CAMKMT: variants seen among roughly 807,000 people sequenced by gnomAD.
CAMKMT encodes the protein CaM KMT.
In CAMKMT, 53 loss-of-function variants were observed where a neutral mutation model predicts 48.0. That is an observed-to-expected ratio of 1.10 (90% CI 0.89 to 1.39). The LOEUF is 1.39. CAMKMT is among the 40% of genes most tolerant of loss of function. The probability of loss-of-function intolerance (pLI) is 0.00; values close to 1 mark genes in which losing one functional copy is unlikely to be tolerated. For missense variants in CAMKMT, 428 were observed against 402.7 expected (o/e 1.06, Z -0.54); for synonymous variants, 165 against 152.3 (o/e 1.08, Z -0.61).
intron 3 of CAMKMT, among the ~76,000 whole-genome samples, chr2:44,683,533 T>C (rs754043793): frequency 3.2e-4 from 49 of 151,946 alleles, no homozygotes; most frequent in Non-Finnish European, 5.3e-4. Context: ...TGAAAAACAG[T>C]AACGAGGCAG....
intron 3 of CAMKMT, among the ~76,000 whole-genome samples, chr2:44,454,577 C>G (rs964972614): frequency 1.3e-5 from 2 of 152,112 alleles, no homozygotes; most frequent in Admixed American, 1.3e-4. Flanking sequence ...TAAAAGTTAG[C>G]TTTGCTTAGT....
At chr2:44,418,801 A>T (rs1351323811) in intron 3 of CAMKMT, among the ~76,000 whole-genome samples, 1 of 152,196 alleles carries the variant, frequency 6.6e-6, no homozygotes, top group Non-Finnish European at 1.5e-5. Context: ...TTTTGATTGG[A>T]TGGCACTAAA....
At chr2:44,453,187 T>C (rs1558627104) in intron 3 of CAMKMT, among the ~76,000 whole-genome samples, 1 of 152,024 alleles carries the variant, frequency 6.6e-6, no homozygotes, top group Non-Finnish European at 1.5e-5. Context: ...TAGATGTGGC[T>C]GTAGGGAGCA....
chr2:44,694,112 G>A (rs988345016), intron 3 of CAMKMT, among the ~76,000 whole-genome samples: 5 of 152,190 alleles, frequency 3.3e-5, no homozygotes, highest in Non-Finnish European at 5.9e-5. Context: ...CCTTAGGACT[G>A]TCCTCCAGGA....
At chr2:44,615,648 A>C (rs1051402395) in intron 3 of CAMKMT, among the ~76,000 whole-genome samples, 1 of 152,152 alleles carries the variant, frequency 6.6e-6, no homozygotes, top group Non-Finnish European at 1.5e-5. Flanking sequence ...GGCATTGGGC[A>C]TGATTTGAGT....
chr2:44,636,140 T>G (rs1673118211), intron 3 of CAMKMT, among the ~76,000 whole-genome samples: 1 of 152,184 alleles, frequency 6.6e-6, no homozygotes, highest in South Asian at 2.1e-4. Flanking sequence ...TTCATCCATA[T>G]TATACCTGGA....
At chr2:44,674,886 A>G (rs1675580689) in intron 3 of CAMKMT, among the ~76,000 whole-genome samples, 1 of 148,892 alleles carries the variant, frequency 6.7e-6, no homozygotes, top group Non-Finnish European at 1.5e-5. Flanking sequence ...CCCCACAAGG[A>G]AAAAAAAAAC....
At chr2:44,398,264 C>CA (rs1682038437) in intron 3 of CAMKMT, among the ~76,000 whole-genome samples, 1 of 152,138 alleles carries the variant, frequency 6.6e-6, no homozygotes, top group South Asian at 2.1e-4. Context: ...TACATTTCTC[C>CA]AAAACGGCGA....
At chr2:44,392,398 C>G (rs1012584560) in intron 3 of CAMKMT, among the ~76,000 whole-genome samples, 36 of 152,006 alleles carry the variant, frequency 2.4e-4, no homozygotes, top group African/African-American at 8.4e-4. Flanking sequence ...AAGTCCTGTT[C>G]CAATAAAGTA....
chr2:44,673,520 A>AG (rs1553435806), intron 3 of CAMKMT, among the ~76,000 whole-genome samples: 1 of 88,068 alleles, frequency 1.1e-5, no homozygotes, highest in Non-Finnish European at 2.3e-5. Context: ...GAAGGAAGGA[A>AG]GGAGGGAAGG....
intron 3 of CAMKMT, among the ~76,000 whole-genome samples, chr2:44,518,936 A>G (rs1670965157): frequency 6.6e-6 from 1 of 152,272 alleles, no homozygotes; most frequent in South Asian, 2.1e-4. Context: ...AAGGCAGTCC[A>G]GTATATACCT....
intron 3 of CAMKMT, among the ~76,000 whole-genome samples, chr2:44,538,263 G>A (rs1457156614): frequency 3.3e-5 from 5 of 151,954 alleles, no homozygotes; most frequent in Non-Finnish European, 7.4e-5. Context: ...CAGCTACTCG[G>A]GAAGCTGAGG....
intron 3 of CAMKMT, among the ~76,000 whole-genome samples, chr2:44,685,052 T>C (rs987596414): frequency 4.6e-5 from 7 of 152,088 alleles, no homozygotes; most frequent in Non-Finnish European, 1.0e-4. Context: ...TAACTTCATG[T>C]GCATCGTGTA....
At chr2:44,734,391 T>C (rs1016276483) in intron 7 of CAMKMT, among the ~76,000 whole-genome samples, 4 of 152,104 alleles carry the variant, frequency 2.6e-5, no homozygotes, top group African/African-American at 7.2e-5. Context: ...TTTAATTCCA[T>C]TGTGGTCAGG....
chr2:44,388,902 G>A (rs1273227212), intron 2 of CAMKMT, among the ~76,000 whole-genome samples: 1 of 152,128 alleles, frequency 6.6e-6, no homozygotes, highest in Non-Finnish European at 1.5e-5. Context: ...TTCTGGTGGA[G>A]GTGGCGGGGT....
intron 3 of CAMKMT, among the ~76,000 whole-genome samples, chr2:44,411,874 C>G (rs768572130): frequency 6.6e-6 from 1 of 151,638 alleles, no homozygotes; most frequent in African/African-American, 2.4e-5. Context: ...AATCTTTAAC[C>G]TCTCTTTCAT....
rs954011427 is a variant in CAMKMT at position 44,578,206 on chromosome 2, A to C, written c.377-126077A>C. Among the ~76,000 whole-genome samples the C allele has an allele frequency of 2.6e-5, 4 of 152,206 alleles. No homozygotes were observed. The South Asian group carries it at 8.3e-4, about 32-fold the overall frequency. On this transcript the variant is annotated intron_variant, in intron 3 of 10. Coordinates refer to ENST00000378494, the MANE Select transcript of CAMKMT (RefSeq NM_024766.5). ...TAGGAATAATGGTTGAGGGTAAATT[A>C]ACATTGTTAAAAAGAATACACCGTA...
intron 7 of CAMKMT, among the ~76,000 whole-genome samples, chr2:44,726,215 A>G (rs992770268): frequency 1.3e-5 from 2 of 152,196 alleles, no homozygotes; most frequent in African/African-American, 2.4e-5. Flanking sequence ...ACAGCTTTCC[A>G]TGGTGGTTGA....
chr2:44,415,596 AT>A (rs1477658115), intron 3 of CAMKMT, among the ~76,000 whole-genome samples: 1 of 152,196 alleles, frequency 6.6e-6, no homozygotes, highest in Non-Finnish European at 1.5e-5. Flanking sequence ...TAAATTTCTA[AT>A]GTAAACAGAG....
Sources: allele counts gnomAD v4.1 joint callset (sites outside exome capture counted in the v4.1 genomes callset), GRCh38; gene constraint gnomAD v4.1.1; transcripts MANE v1.5; gene names NCBI Gene and HGNC (gene_info 2026-07-23, HGNC 2026-07-21).